Variants in PDSS2 observed in about 807,000 individuals in gnomAD.
PDSS2 encodes the protein decaprenyl diphosphate synthase subunit 2.
PDSS2 carries 31 observed loss-of-function variants against 44.5 expected under a neutral mutation model. That is an observed-to-expected ratio of 0.70 (90% CI 0.52 to 0.94). The LOEUF (loss-of-function observed/expected upper bound fraction) is 0.94. PDSS2 is among the 40% of genes least tolerant of loss of function. The pLI is 0.00. For missense variants in PDSS2, 452 were observed against 482.2 expected (o/e 0.94, Z 0.59); for synonymous variants, 157 against 180.3 (o/e 0.87, Z 1.03).
intron 7 of PDSS2, among the ~76,000 whole-genome samples, chr6:107,191,733 C>T (rs1396405595): frequency 2.6e-5 from 4 of 152,122 alleles, no homozygotes; most frequent in African/African-American, 7.2e-5. Flanking sequence ...ATCTCAGCCT[C>T]CCAGGTAGCT....
At chr6:107,308,820 G>A (rs916186903) in intron 2 of PDSS2, among the ~76,000 whole-genome samples, 3 of 152,224 alleles carry the variant, frequency 2.0e-5, no homozygotes, top group Admixed American at 6.5e-5. Context: ...AGGGCTCACT[G>A]CCCCTGCCAG....
intron 2 of PDSS2, among the ~76,000 whole-genome samples, chr6:107,331,494 A>C (rs1258129159): frequency 6.6e-6 from 1 of 152,184 alleles, no homozygotes; most frequent in Non-Finnish European, 1.5e-5. Flanking sequence ...AATTGCTTGG[A>C]TTATAATGAC....
At chr6:107,358,170 T>A (rs530889721) in intron 1 of PDSS2, among the ~76,000 whole-genome samples, 1 of 152,210 alleles carries the variant, frequency 6.6e-6, no homozygotes, top group African/African-American at 2.4e-5. Context: ...AAAAATACTA[T>A]GTGAAATTAC....
chr6:107,243,211 A>G (rs1774501769), intron 4 of PDSS2, among the ~76,000 whole-genome samples: 1 of 152,178 alleles, frequency 6.6e-6, no homozygotes, highest in African/African-American at 2.4e-5. Context: ...TTAACAAATA[A>G]TTTTCAGACA....
chr6:107,159,519 C>T (rs1433444058), intron 7 of PDSS2, among the ~76,000 whole-genome samples: 6 of 150,712 alleles, frequency 4.0e-5, no homozygotes, highest in Admixed American at 2.0e-4. Context: ...CGGGTTCAAG[C>T]GATTTTCCTG....
At chr6:107,182,860 G>A (rs1772032203) in intron 7 of PDSS2, among the ~76,000 whole-genome samples, 1 of 152,160 alleles carries the variant, frequency 6.6e-6, no homozygotes, top group African/African-American at 2.4e-5. Context: ...TAGTTGCCAA[G>A]AGAAAAATAA....
intron 3 of PDSS2, among the ~76,000 whole-genome samples, chr6:107,262,794 A>G (rs1402933645): frequency 6.6e-6 from 1 of 151,908 alleles, no homozygotes; most frequent in East Asian, 1.9e-4. Flanking sequence ...AAAAAAAAGG[A>G]AACTTGGCTG....
At chr6:107,394,211 T>G (rs1472563518) in intron 1 of PDSS2, among the ~76,000 whole-genome samples, 1 of 152,174 alleles carries the variant, frequency 6.6e-6, no homozygotes, top group African/African-American at 2.4e-5. Flanking sequence ...CTTCTAGGAT[T>G]TGGAGTATAT....
intron 1 of PDSS2, among the ~76,000 whole-genome samples, chr6:107,400,353 G>A (rs1304506151): frequency 6.6e-6 from 1 of 152,190 alleles, no homozygotes; most frequent in East Asian, 1.9e-4. Context: ...CTAGTCTCAA[G>A]CGGGGAGGAC....
At position 107,245,620 on chromosome 6, in the gene PDSS2, C is replaced by A; in HGVS notation, c.631-1G>T. ...GAGCACTTGCTAAAAGTTCCACAAC[C>A]TAAAAAGCAAGAAGAAAAATAAAAA... On this transcript the variant is annotated splice_acceptor_variant, in intron 3 of 7. Transcript: ENST00000369037. LOFTEE classifies it high-confidence loss of function. The A allele has an allele frequency of 6.4e-7, 1 of 1,567,790 alleles. No individual in the cohort carries two copies. Among genetic ancestry groups the A allele is most frequent in the Non-Finnish European group, 8.7e-7 (1 of 1,145,330 alleles).
intron 2 of PDSS2, among the ~76,000 whole-genome samples, chr6:107,322,866 GA>G (rs755078050): frequency 5.3e-5 from 8 of 152,046 alleles, no homozygotes; most frequent in Non-Finnish European, 7.4e-5. Flanking sequence ...GGGAATGAGG[GA>G]AATCTTAACA....
At chr6:107,170,766 T>C (rs1184558107) in intron 7 of PDSS2, among the ~76,000 whole-genome samples, 2 of 151,944 alleles carry the variant, frequency 1.3e-5, no homozygotes, top group Non-Finnish European at 1.5e-5. Flanking sequence ...GCATGTGCCA[T>C]GATGCCTGGC....
intron 1 of PDSS2, among the ~76,000 whole-genome samples, chr6:107,360,022 C>T (rs984948655): frequency 6.6e-6 from 1 of 152,150 alleles, no homozygotes; most frequent in Non-Finnish European, 1.5e-5. Flanking sequence ...CCATGTTTCA[C>T]CCATCCAGTG....
intron 1 of PDSS2, among the ~76,000 whole-genome samples, chr6:107,416,888 A>C (rs949735143): frequency 3.5e-5 from 5 of 142,604 alleles, no homozygotes; most frequent in Non-Finnish European, 6.2e-5. Flanking sequence ...GAAGAACTAC[A>C]AAAAAAAAAA....
chr6:107,181,587 GAAAA>G (rs1163032788), intron 7 of PDSS2, among the ~76,000 whole-genome samples: 1 of 142,990 alleles, frequency 7.0e-6, no homozygotes, highest in South Asian at 2.3e-4. Context: ...AAAAAAGAAA[GAAAA>G]AAAGAAAATT....
chr6:107,339,159 G>A (rs572181639), intron 1 of PDSS2, among the ~76,000 whole-genome samples: 3 of 152,278 alleles, frequency 2.0e-5, no homozygotes, highest in East Asian at 1.9e-4. Flanking sequence ...GAAGCTGCAC[G>A]GACTCTGACA....
chr6:107,412,381 G>C (rs1211847134), intron 1 of PDSS2, among the ~76,000 whole-genome samples: 2 of 151,828 alleles, frequency 1.3e-5, no homozygotes, highest in East Asian at 3.9e-4. Context: ...TGGGAGTACA[G>C]GCACCCGCCA....
At chr6:107,362,878 T>G (rs1283245394) in intron 1 of PDSS2, among the ~76,000 whole-genome samples, 2 of 152,142 alleles carry the variant, frequency 1.3e-5, no homozygotes, top group African/African-American at 4.8e-5. Flanking sequence ...AAAAGTTTAA[T>G]AACTGAAATG....
At chr6:107,156,788 C>G (rs1296723719) in intron 7 of PDSS2, among the ~76,000 whole-genome samples, 2 of 152,198 alleles carry the variant, frequency 1.3e-5, no homozygotes, top group Non-Finnish European at 2.9e-5. Context: ...ATGAGCACCA[C>G]AGTGCCTCGC....
Sources: allele counts gnomAD v4.1 joint callset (sites outside exome capture counted in the v4.1 genomes callset), GRCh38; gene constraint gnomAD v4.1.1; transcripts MANE v1.5; gene names NCBI Gene and HGNC (gene_info 2026-07-23, HGNC 2026-07-21).